The following HECW2 variants were observed in gnomAD, a reference collection of about 807,000 sequenced individuals.
The protein encoded by HECW2 is E3 ubiquitin-protein ligase HECW2.
A neutral mutation model predicts 175.2 loss-of-function variants in HECW2; 61 were observed. That is an observed-to-expected ratio of 0.35 (90% CI 0.28 to 0.43). HECW2 has a LOEUF of 0.43. Among genes scored for constraint, HECW2 ranks in the 20% least tolerant of loss-of-function variants. HECW2 has a pLI of 1.00. For missense variants in HECW2, 1,524 were observed against 2,000.5 expected (o/e 0.76, Z 4.54); for synonymous variants, 671 against 731.0 (o/e 0.92, Z 1.32).
rs1024242992 is a variant in HECW2, at chr2:196,452,589, T to C, written c.-35-19131A>G. Among the ~76,000 whole-genome samples the C allele has an allele frequency of 3.3e-5, 5 of 152,290 alleles. No homozygotes were observed. In the South Asian group the frequency reaches 6.2e-4, roughly 19 times the overall value. ...TAAATCTGACCTTGAACATCTGACA[T>C]GTGATCCAGTGCAAAGCCACTTTGG... On this transcript the variant is annotated intron_variant, in intron 1 of 28. Transcript: ENST00000644978.
At chr2:196,543,418 G>A (rs1044012717) in intron 1 of HECW2, among the ~76,000 whole-genome samples, 3 of 151,562 alleles carry the variant, frequency 2.0e-5, no homozygotes, top group African/African-American at 7.3e-5. Flanking sequence ...TAATGTATTT[G>A]TAAATGTGCA....
At chr2:196,560,171 G>A (rs1425476726) in intron 1 of HECW2, among the ~76,000 whole-genome samples, 3 of 152,112 alleles carry the variant, frequency 2.0e-5, no homozygotes, top group Non-Finnish European at 4.4e-5. Context: ...AACAGCAAAG[G>A]TCTCACTCTT....
chr2:196,332,160 GC>G (rs1657119684), intron 4 of HECW2, among the ~76,000 whole-genome samples: 1 of 151,844 alleles, frequency 6.6e-6, no homozygotes, highest in African/African-American at 2.4e-5. Context: ...CACATGATTA[GC>G]ATGACAGCTC....
chr2:196,220,218 C>T, intron 25 of HECW2, 65 bp from the exon 26 acceptor site: 1 of 1,090,742 alleles, frequency 9.2e-7, no homozygotes, highest in South Asian at 1.3e-5. Flanking sequence ...TATAATTAAG[C>T]CTTAGAAAAG....
chr2:196,561,082 T>A (rs1231658204), intron 1 of HECW2, among the ~76,000 whole-genome samples: 3 of 152,214 alleles, frequency 2.0e-5, no homozygotes, highest in African/African-American at 7.2e-5. Flanking sequence ...CAGAGCCACA[T>A]TTCTCTTATT....
intron 1 of HECW2, among the ~76,000 whole-genome samples, chr2:196,564,323 C>A (rs186654708): frequency 2.7e-4 from 41 of 152,098 alleles, no homozygotes; most frequent in African/African-American, 9.2e-4. Flanking sequence ...CATCCTGGAT[C>A]CTTAAAAAAT....
chr2:196,271,884 A>G (rs1689753756), intron 16 of HECW2, among the ~76,000 whole-genome samples: 1 of 152,232 alleles, frequency 6.6e-6, no homozygotes, highest in South Asian at 2.1e-4. Context: ...CTAACCTTTT[A>G]TATGATTATT....
At chr2:196,301,790 G>A (rs62184629) in intron 13 of HECW2, among the ~76,000 whole-genome samples, 24,720 of 142,720 alleles carry the variant, frequency 0.17, 2,218 homozygotes, top group Middle Eastern at 0.27. Flanking sequence ...TTAGACCTTT[G>A]TCACATGGAC....
In HECW2 at chr2:196,284,144, G is replaced by A. The variant is rs547510387; in HGVS notation, c.3001-5482C>T. Among the ~76,000 whole-genome samples, 6 of 152,174 alleles carry A rather than the reference G, an allele frequency of 3.9e-5. No individual in the cohort carries two copies. In the East Asian group the frequency reaches 1.2e-3, roughly 29 times the overall value. On this transcript the variant is annotated intron_variant, in intron 14 of 28. Coordinates refer to ENST00000644978, the MANE Select transcript of HECW2 (RefSeq NM_001348768.2). ...TCATTATGTATTGAATGAGGCTGACGGTAACAGCCACTCACAGTGCTTGGC... is the reference window on the plus strand; with the variant it reads ...TCATTATGTATTGAATGAGGCTGACAGTAACAGCCACTCACAGTGCTTGGC...
chr2:196,526,959 G>A (rs1688677217), intron 1 of HECW2, among the ~76,000 whole-genome samples: 2 of 152,094 alleles, frequency 1.3e-5, no homozygotes, highest in Admixed American at 1.3e-4. Flanking sequence ...CCCAGAGGTG[G>A]AGCCTACAGA....
Position 196,593,503 on chromosome 2 carries a change from C to T in HECW2, c.-36+5G>A, listed in dbSNP as rs542271378. On this transcript the variant is annotated splice_donor_5th_base_variant and intron_variant, in intron 1 of 28. Transcript: ENST00000644978. The stretch of plus-strand genomic sequence containing the variant: ...CGCGGAGAGCGAAGAGTCCGGCCTC[C>T]TCACCTCCAGCCGCGCCGGCGCCCT... 2.8e-4 allele frequency: 42 copies of T among 152,378 alleles called. No individual in the cohort carries two copies. The highest frequency in any genetic ancestry group is 9.1e-4 in the African/African-American group (38 of 41,580). The allele number at this position is 152,378 out of a possible 1,614,324, so 9.4% of individuals were successfully genotyped here. A position where few individuals can be genotyped will look rare whatever the true frequency, so the allele number is the denominator to read the frequency against.
At chr2:196,339,158 CT>C (rs1692655929) in intron 3 of HECW2, among the ~76,000 whole-genome samples, 1 of 152,158 alleles carries the variant, frequency 6.6e-6, no homozygotes. Flanking sequence ...GCAAAAAGAC[CT>C]TTCTGATATT....
intron 1 of HECW2, among the ~76,000 whole-genome samples, chr2:196,494,161 G>A (rs973582295): frequency 3.3e-5 from 5 of 152,188 alleles, no homozygotes; most frequent in African/African-American, 1.2e-4. Context: ...GACTTGTTCA[G>A]GAAAATGTTT....
chr2:196,558,695 C>G (rs115863796), intron 1 of HECW2, among the ~76,000 whole-genome samples: 3,459 of 152,330 alleles, frequency 0.023, 122 homozygotes, highest in African/African-American at 0.077. Flanking sequence ...TCCCTGCTGG[C>G]TCTGATCCAG....
chr2:196,586,969 T>C (rs1691006076), intron 1 of HECW2, among the ~76,000 whole-genome samples: 1 of 152,230 alleles, frequency 6.6e-6, no homozygotes, highest in South Asian at 2.1e-4. Context: ...CAGCCAACCA[T>C]GTTATTTGAC....
chr2:196,473,558 T>G lies in HECW2; in HGVS notation c.-35-40100A>C, dbSNP rs1388485801. On this transcript the variant is annotated intron_variant, in intron 1 of 28. Coordinates refer to ENST00000644978, the MANE Select transcript of HECW2 (RefSeq NM_001348768.2). ...AAAAATAGAGATTATACAGGAGGAC[T>G]GGATTTTTTTTAGAGATAATTTATT... 3.3e-5 allele frequency among the ~76,000 whole-genome samples: 5 copies of G among 152,332 alleles called. No individual in the cohort carries two copies. The South Asian group carries it at 1.0e-3, about 32-fold the overall frequency.
chr2:196,431,636 G>T (rs746934902), intron 2 of HECW2, among the ~76,000 whole-genome samples: 1 of 152,066 alleles, frequency 6.6e-6, no homozygotes, highest in Non-Finnish European at 1.5e-5. Flanking sequence ...AATCAAAAGG[G>T]TTACATCTAA....
At chr2:196,450,740 C>G (rs1696323117) in intron 1 of HECW2, among the ~76,000 whole-genome samples, 1 of 152,088 alleles carries the variant, frequency 6.6e-6, no homozygotes, top group African/African-American at 2.4e-5. Context: ...CTCAGCCTCC[C>G]AAACTGCTGG....
intron 17 of HECW2, chr2:196,260,057 T>C (rs970835711): frequency 2.0e-5 from 3 of 152,198 alleles, no homozygotes; most frequent in African/African-American, 7.2e-5. Flanking sequence ...TATCAGGCCC[T>C]GGTCTGCGGC....
Sources: allele counts gnomAD v4.1 joint callset (sites outside exome capture counted in the v4.1 genomes callset), GRCh38; gene constraint gnomAD v4.1.1; transcripts MANE v1.5; gene names NCBI Gene and HGNC (gene_info 2026-07-23, HGNC 2026-07-21).